The following MVK variants were observed in gnomAD, a reference collection of about 807,000 sequenced individuals.
The protein encoded by MVK is LH receptor mRNA-binding protein.
In MVK, 34 loss-of-function variants were observed where a neutral mutation model predicts 43.2. The ratio of observed to expected loss-of-function variants is 0.79; its 90% CI spans 0.60 to 1.05. The LOEUF (loss-of-function observed/expected upper bound fraction) is 1.05. MVK is among the 50% of genes least tolerant of loss of function. MVK has a pLI of 0.00. For missense variants in MVK, 395 were observed against 504.0 expected (o/e 0.78, Z 2.07); for synonymous variants, 190 against 219.8 (o/e 0.86, Z 1.20).
intron 5 of MVK, 131 bp from the exon 6 acceptor site, chr12:109,585,891 G>A: frequency 1.3e-6 from 1 of 750,124 alleles, no homozygotes; most frequent in South Asian, 1.5e-5. Flanking sequence ...GAGGTTCAGA[G>A]TGGACTTGTT....
At chr12:109,591,834 G>T (rs774880487) in intron 9 of MVK, among the ~76,000 whole-genome samples, 2 of 152,332 alleles carry the variant, frequency 1.3e-5, no homozygotes. Flanking sequence ...CCCATCCACT[G>T]CCATTTGCAT....
At chr12:109,573,648 G>C, upstream of MVK, 2 of 809,806 alleles carry the variant, frequency 2.5e-6, no homozygotes, top group South Asian at 3.0e-5. Context: ...TTGGTTTAAC[G>C]GAAGGAGCGG....
At chr12:109,588,910 G>C (rs1312277333) in intron 7 of MVK, 1 of 152,416 alleles carries the variant, frequency 6.6e-6, no homozygotes, top group East Asian at 1.9e-4. Flanking sequence ...AAGAGAAGGA[G>C]GGGTCCGATT....
chr12:109,596,018 G>T (rs554255076), intron 10 of MVK, among the ~76,000 whole-genome samples: 1 of 152,176 alleles, frequency 6.6e-6, no homozygotes, highest in African/African-American at 2.4e-5. Context: ...GAGTGTGCCC[G>T]CTGTGCCAGG....
chr12:109,573,332 C>T (rs1566139110), upstream of MVK: 1 of 1,612,956 alleles, frequency 6.2e-7, no homozygotes, highest in East Asian at 2.2e-5. Context: ...GTTGCCCTTC[C>T]CGCCAGCCAC....
At chr12:109,585,220 T>C (rs901676726) in intron 5 of MVK, among the ~76,000 whole-genome samples, 2 of 152,170 alleles carry the variant, frequency 1.3e-5, no homozygotes, top group African/African-American at 4.8e-5. Flanking sequence ...GGATTTGAAT[T>C]CATAATGATC....
chr12:109,574,054 C>G (rs1226062713), intron 1 of MVK, among the ~76,000 whole-genome samples, 181 bp downstream of exon 1: 2 of 152,248 alleles, frequency 1.3e-5, no homozygotes. Flanking sequence ...ATTCCCCGCT[C>G]TGAGCCTCAG....
At chr12:109,591,626 G>A (rs143008985) in intron 9 of MVK, among the ~76,000 whole-genome samples, 81 of 152,350 alleles carry the variant, frequency 5.3e-4, no homozygotes, top group Non-Finnish European at 9.8e-4. Context: ...ATGGAAACAG[G>A]TTTGGGTCAC....
At chr12:109,585,678 AGAATTGCTT>A (rs1308799266) in intron 5 of MVK, among the ~76,000 whole-genome samples, 1 of 152,126 alleles carries the variant, frequency 6.6e-6, no homozygotes, top group Non-Finnish European at 1.5e-5. Context: ...CTGAGGCAGG[AGAATTGCTT>A]GAACCCGGGA....
upstream of MVK, chr12:109,573,530 C>A (rs770130176): frequency 2.6e-6 from 4 of 1,561,320 alleles, no homozygotes; most frequent in Non-Finnish European, 3.4e-6. Flanking sequence ...CCGTCCAGTC[C>A]GCGGGGTGAC....
At chr12:109,576,183 C>T (rs1884945599) in intron 3 of MVK, 38 bp downstream of exon 3, 2 of 1,613,268 alleles carry the variant, frequency 1.2e-6, no homozygotes, top group African/African-American at 1.3e-5. Flanking sequence ...TGCTAAGAGC[C>T]TACAGAGAGG....
intron 1 of MVK, 151 bp from the exon 2 acceptor site, chr12:109,574,658 T>G (rs1469234917): frequency 1.4e-6 from 1 of 698,418 alleles, no homozygotes; most frequent in East Asian, 2.8e-5. Context: ...TCCAGTTGAC[T>G]CCTGCATTGC....
Position 109,581,506 on chromosome 12 carries a change from C to T in MVK, c.483C>T (p.Cys161=), listed in dbSNP as rs777886684. 7 of 1,614,078 alleles carry T rather than the reference C, an allele frequency of 4.3e-6. No individual in the cohort carries two copies. The highest frequency in any genetic ancestry group is 1.3e-5 in the African/African-American group (1 of 74,924). ...TGGCAGCAGCCCTCCTGACTGTGTG[C>T]GAGGAGATCCCAAACCCGCTGAAGG... The part of the protein sequence containing the change: ...VCLAAALLTV[C]EEIPNPLKDG... The change falls in exon 5 of 11, where the codon TGC becomes TGT. Residue 161 remains cysteine, a synonymous_variant. Coordinates refer to ENST00000228510, the MANE Select transcript of MVK (RefSeq NM_000431.4).
rs104895355 is a variant in MVK at position 109,591,335 on chromosome 12, C to T, written c.863C>T (p.Pro288Leu). 4.3e-5 allele frequency: 70 copies of T among 1,614,054 alleles called. No homozygotes were observed. Among genetic ancestry groups the T allele is most frequent in the Non-Finnish European group, 5.1e-5 (60 of 1,180,038 alleles). The change falls in exon 9 of 11, where the codon CCG becomes CTG. Residue 288 changes from proline (P) to leucine (L), a missense_variant. Coordinates refer to ENST00000228510, the MANE Select transcript of MVK (RefSeq NM_000431.4). Reference protein sequence around the residue: ...VLGEMGEAPAPEQYLVLEELI... With the variant: ...VLGEMGEAPALEQYLVLEELI... ...GGAGAGATGGGGGAAGCCCCAGCCC[C>T]GGAGCAGTACCTCGTGCTGGAAGTA...
At chr12:109,577,326 A>G (rs1342497192) in intron 3 of MVK, among the ~76,000 whole-genome samples, 1 of 152,228 alleles carries the variant, frequency 6.6e-6, no homozygotes, top group Non-Finnish European at 1.5e-5. Context: ...GCTCTTTGGA[A>G]CAGTGTTTCT....
At chr12:109,582,206 G>A (rs147941194) in intron 5 of MVK, among the ~76,000 whole-genome samples, 190 of 152,362 alleles carry the variant, frequency 1.2e-3, no homozygotes, top group African/African-American at 4.3e-3. Context: ...CAGAGGTTAC[G>A]CAGTTTGTCC....
chr12:109,586,289 C>CCT (rs2136237391), intron 6 of MVK, among the ~76,000 whole-genome samples, 164 bp downstream of exon 6: 1 of 152,254 alleles, frequency 6.6e-6, no homozygotes, highest in South Asian at 2.1e-4. Flanking sequence ...ATCTTGGGGC[C>CCT]CTGTCTCACA....
At chr12:109,575,888 C>A in intron 2 of MVK, 110 bp from the exon 3 acceptor site, 3 of 1,297,940 alleles carry the variant, frequency 2.3e-6, no homozygotes, top group East Asian at 2.3e-5. Context: ...CTGGCAAGGG[C>A]ATGGCTAGGA....
chr12:109,576,157 G>T lies in MVK; in HGVS notation c.226+12G>T, dbSNP rs748432771. ...CACAAGCTTTCTGGGTGAGTGCAAGGAGGAGAAACCAGGTGTGCTAAGAGC... is the reference window on the plus strand; with the variant it reads ...CACAAGCTTTCTGGGTGAGTGCAAGTAGGAGAAACCAGGTGTGCTAAGAGC... On this transcript the variant is annotated intron_variant, in intron 3 of 10. Transcript: ENST00000228510. The T allele has an allele frequency of 6.2e-7, 1 of 1,614,092 alleles. No homozygotes were observed. The highest frequency in any genetic ancestry group is 1.1e-5 in the South Asian group (1 of 91,080).
Sources: allele counts gnomAD v4.1 joint callset (sites outside exome capture counted in the v4.1 genomes callset), GRCh38; gene constraint gnomAD v4.1.1; transcripts MANE v1.5; gene names NCBI Gene and HGNC (gene_info 2026-07-23, HGNC 2026-07-21).